Variants in KCTD8 observed in about 807,000 individuals in gnomAD.
KCTD8 encodes the protein BTB/POZ domain-containing protein KCTD8.
KCTD8 carries 27 observed loss-of-function variants against 31.5 expected under a neutral mutation model. The ratio of observed to expected loss-of-function variants is 0.86; its 90% confidence interval spans 0.63 to 1.18. KCTD8 has a LOEUF of 1.18. Ranked by LOEUF, KCTD8 falls within the 50% of genes most tolerant of loss-of-function variation. KCTD8 has a pLI of 0.00. For missense variants in KCTD8, 658 were observed against 647.7 expected (o/e 1.02, Z -0.17); for synonymous variants, 290 against 280.0 (o/e 1.04, Z -0.36).
At chr4:44,254,386 T>C (rs1715933170) in intron 1 of KCTD8, among the ~76,000 whole-genome samples, 1 of 151,918 alleles carries the variant, frequency 6.6e-6, no homozygotes, top group Non-Finnish European at 1.5e-5. Flanking sequence ...ACAATGCCAA[T>C]GACACCTTGC....
chr4:44,250,950 T>G (rs1343769957), intron 1 of KCTD8, among the ~76,000 whole-genome samples: 1 of 151,752 alleles, frequency 6.6e-6, no homozygotes, highest in Non-Finnish European at 1.5e-5. Flanking sequence ...TTCTTTTCCT[T>G]CATGGCTGCG....
intron 1 of KCTD8, among the ~76,000 whole-genome samples, chr4:44,446,684 G>A (rs1262851768): frequency 6.6e-6 from 1 of 152,052 alleles, no homozygotes; most frequent in Middle Eastern, 3.2e-3. Context: ...TCAGAAAATC[G>A]CTCTATTTAT....
chr4:44,249,900 C>T (rs1332141016), intron 1 of KCTD8, among the ~76,000 whole-genome samples: 1 of 151,598 alleles, frequency 6.6e-6, no homozygotes, highest in African/African-American at 2.4e-5. Flanking sequence ...TTCATTCCCT[C>T]CAGAAGTAAC....
intron 1 of KCTD8, among the ~76,000 whole-genome samples, chr4:44,187,902 A>G (rs983646859): frequency 5.9e-5 from 9 of 152,028 alleles, no homozygotes; most frequent in African/African-American, 2.2e-4. Flanking sequence ...GCTGCCTTAG[A>G]CCTGAGGAAA....
In KCTD8 at chr4:44,217,303, C is replaced by A. The variant is rs142759510; in HGVS notation, c.962-42053G>T. ...TAAAGGAATCTCTTGTATTAACAGG[C>A]CATAGAAATAAGTTTTCTTGACCCA... On this transcript the variant is annotated intron_variant, in intron 1 of 1. Coordinates refer to ENST00000360029, the MANE Select transcript of KCTD8 (RefSeq NM_198353.3). Among the ~76,000 whole-genome samples, 285 of 152,150 alleles carry A rather than the reference C, an allele frequency of 1.9e-3. 1 individual carries two copies. The highest frequency in any genetic ancestry group is 6.5e-3 in the African/African-American group (269 of 41,492).
chr4:44,215,349 G>C (rs762222284), intron 1 of KCTD8, among the ~76,000 whole-genome samples: 5 of 152,124 alleles, frequency 3.3e-5, no homozygotes, highest in Non-Finnish European at 7.4e-5. Flanking sequence ...TAAAAATATA[G>C]ATGAATCATA....
intron 1 of KCTD8, among the ~76,000 whole-genome samples, chr4:44,394,606 T>C (rs1367284628): frequency 1.3e-5 from 2 of 152,072 alleles, no homozygotes; most frequent in Admixed American, 1.3e-4. Flanking sequence ...AATCTGTCTC[T>C]CTGACATCAT....
chr4:44,299,179 C>G (rs1577601149), intron 1 of KCTD8, among the ~76,000 whole-genome samples: 2 of 152,222 alleles, frequency 1.3e-5, no homozygotes, highest in South Asian at 4.2e-4. Context: ...ATAGGTAACT[C>G]CATCACCCAA....
chr4:44,339,966 A>C (rs1259444850), intron 1 of KCTD8, among the ~76,000 whole-genome samples: 1 of 152,198 alleles, frequency 6.6e-6, no homozygotes, highest in Non-Finnish European at 1.5e-5. Context: ...AAAAATTGGA[A>C]ATCAATTTGA....
At chr4:44,318,433 TG>T (rs1021002929) in intron 1 of KCTD8, among the ~76,000 whole-genome samples, 3 of 152,172 alleles carry the variant, frequency 2.0e-5, no homozygotes, top group Non-Finnish European at 4.4e-5. Context: ...ATGAGAACTT[TG>T]GAAAGATATG....
At chr4:44,409,349 T>C (rs1720897466) in intron 1 of KCTD8, among the ~76,000 whole-genome samples, 1 of 151,760 alleles carries the variant, frequency 6.6e-6, no homozygotes, top group South Asian at 2.1e-4. Context: ...CTAGGAAAAA[T>C]CTGTGGCTTT....
chr4:44,429,256 C>A (rs1254032361), intron 1 of KCTD8, among the ~76,000 whole-genome samples: 1 of 151,724 alleles, frequency 6.6e-6, no homozygotes, highest in African/African-American at 2.4e-5. Context: ...CGCTTTTGTA[C>A]AAGTATTGGA....
At chr4:44,401,227 GA>G (rs935900552) in intron 1 of KCTD8, among the ~76,000 whole-genome samples, 2 of 152,064 alleles carry the variant, frequency 1.3e-5, no homozygotes, top group African/African-American at 4.8e-5. Context: ...TATGGGTGCA[GA>G]AGGGTTTCAA....
intron 1 of KCTD8, among the ~76,000 whole-genome samples, chr4:44,345,985 A>G (rs902806626): frequency 7.9e-5 from 12 of 152,174 alleles, no homozygotes; most frequent in Non-Finnish European, 1.3e-4. Flanking sequence ...AGATGCTTTT[A>G]TGGTACTAGA....
intron 1 of KCTD8, among the ~76,000 whole-genome samples, chr4:44,212,302 T>G (rs186608597): frequency 6.6e-6 from 1 of 152,222 alleles, no homozygotes; most frequent in Admixed American, 6.5e-5. Context: ...GACTTTACCA[T>G]TGGAAGAAAT....
At chr4:44,304,961 A>G (rs1411584786) in intron 1 of KCTD8, among the ~76,000 whole-genome samples, 5 of 147,124 alleles carry the variant, frequency 3.4e-5, no homozygotes, top group African/African-American at 1.2e-4. Context: ...TCCTGTCTAG[A>G]AAAAAAAAAA....
At chr4:44,413,952 C>G (rs983182253) in intron 1 of KCTD8, among the ~76,000 whole-genome samples, 2 of 151,982 alleles carry the variant, frequency 1.3e-5, no homozygotes, top group Admixed American at 1.3e-4. Flanking sequence ...CAGAAGGAAG[C>G]CAGGAGACAA....
intron 1 of KCTD8, among the ~76,000 whole-genome samples, chr4:44,269,705 A>G (rs1209953369): frequency 1.3e-5 from 2 of 152,006 alleles, no homozygotes; most frequent in Non-Finnish European, 2.9e-5. Context: ...AAAAAAGCAA[A>G]CAACCCCATC....
chr4:44,337,321 C>T (rs572655017), intron 1 of KCTD8, among the ~76,000 whole-genome samples: 3 of 152,122 alleles, frequency 2.0e-5, no homozygotes, highest in African/African-American at 7.2e-5. Context: ...TAAAAAATTA[C>T]GTTATTTTAA....
Sources: gnomAD v4.1 joint callset for allele counts (sites outside exome capture counted in the v4.1 genomes callset) on GRCh38, gnomAD v4.1.1 for gene constraint, MANE v1.5 for transcripts, NCBI Gene and HGNC (gene_info 2026-07-23, HGNC 2026-07-21) for gene names.